RCSD1: variants seen among roughly 807,000 people sequenced by gnomAD.
RCSD1 encodes the protein RCSD domain containing 1, also known as capZ-interacting protein.
In RCSD1, 26 loss-of-function variants were observed where a neutral mutation model predicts 42.5. The observed-to-expected ratio is 0.61, with a 90% CI of 0.45 to 0.85. The LOEUF (loss-of-function observed/expected upper bound fraction) is 0.85, where lower values mean the gene tolerates loss of function less well. Ranked by LOEUF, RCSD1 falls within the 40% of genes least tolerant of loss-of-function variation. The pLI, the probability that RCSD1 is intolerant of heterozygous loss-of-function variation, is 0.00. For missense variants in RCSD1, 571 were observed against 528.3 expected (o/e 1.08, Z -0.79); for synonymous variants, 220 against 212.2 (o/e 1.04, Z -0.32).
chr1:167,670,959 A>G (rs2102221690), intron 1 of RCSD1, among the ~76,000 whole-genome samples: 1 of 152,130 alleles, frequency 6.6e-6, no homozygotes, highest in South Asian at 2.1e-4. Context: ...CAGAATATTG[A>G]CTCCAACCCT....
At chr1:167,679,919 G>A (rs1045707656) in intron 1 of RCSD1, among the ~76,000 whole-genome samples, 7 of 152,156 alleles carry the variant, frequency 4.6e-5, no homozygotes, top group African/African-American at 9.7e-5. Context: ...TGGCAACAGC[G>A]GAGGGGAAGT....
In RCSD1 at chr1:167,706,491, G is replaced by T. The variant is rs1659760772; in HGVS notation, c.*1795G>T. Among the ~76,000 whole-genome samples, 1 of 152,018 alleles carries T rather than the reference G, an allele frequency of 6.6e-6. No individual in the cohort carries two copies. On this transcript the variant is annotated 3_prime_UTR_variant, in exon 7 of 7. Coordinates refer to ENST00000367854, the MANE Select transcript of RCSD1 (RefSeq NM_052862.4). ...GAAAAGGGCCACTTTACTTGAGGAA[G>T]GCATGGAACAGAAAGTATGGGGTTT...
intron 1 of RCSD1, among the ~76,000 whole-genome samples, chr1:167,680,250 G>C (rs181650447): frequency 6.6e-6 from 1 of 152,090 alleles, no homozygotes; most frequent in East Asian, 1.9e-4. Context: ...GAAAGGACAA[G>C]CTGAAGTCAA....
chr1:167,637,057 C>T (rs1657878034), intron 1 of RCSD1, among the ~76,000 whole-genome samples: 2 of 152,172 alleles, frequency 1.3e-5, no homozygotes, highest in South Asian at 2.1e-4. Flanking sequence ...TGAGAGCTTA[C>T]ACCCACAGAG....
At chr1:167,686,814 G>A (rs910836081) in intron 3 of RCSD1, among the ~76,000 whole-genome samples, 2 of 152,218 alleles carry the variant, frequency 1.3e-5, no homozygotes, top group Non-Finnish European at 2.9e-5. Context: ...GCTATGCAAT[G>A]GGTTGAGGTT....
Position 167,704,671 on chromosome 1 carries a change from C to T in RCSD1, c.1226C>T (p.Thr409Ile). The T allele has an allele frequency of 6.2e-7, 1 of 1,612,744 alleles. No individual in the cohort carries two copies. The highest frequency in any genetic ancestry group is 8.5e-7 in the Non-Finnish European group (1 of 1,178,936). The change falls in exon 7 of 7, where the codon ACT becomes ATT. Residue 409 changes from threonine (T) to isoleucine (I), a missense_variant. Thr to Ile is a moderately conservative substitution (Grantham distance 89). Coordinates refer to ENST00000367854, the MANE Select transcript of RCSD1 (RefSeq NM_052862.4). ...EPAVPKPEDD[T>I]PVQDTKM ...TTCCTCCCCTGTTCACAGGATGACA[C>T]TCCTGTCCAGGACACTAAAATGTGA...
chr1:167,664,574 T>C (rs1218348979), intron 1 of RCSD1: 1 of 152,254 alleles, frequency 6.6e-6, no homozygotes, highest in Non-Finnish European at 1.5e-5. Context: ...TACAGTCATA[T>C]AGCCACCACC....
At chr1:167,704,318 A>G (rs2862865) in intron 6 of RCSD1, among the ~76,000 whole-genome samples, 35,829 of 151,896 alleles carry the variant, frequency 0.24, 4,539 homozygotes, top group Middle Eastern at 0.3. Context: ...AAGGGTGGGC[A>G]GGGTCACTTA....
intron 1 of RCSD1, among the ~76,000 whole-genome samples, chr1:167,636,335 A>C (rs544847306): frequency 3.3e-5 from 5 of 152,268 alleles, no homozygotes; most frequent in African/African-American, 4.8e-5. Context: ...TAGTATTAGA[A>C]GCCTCCAAGC....
rs745502238 is a variant in RCSD1 at position 167,697,116 on chromosome 1, A to G, written c.492A>G (p.Ser164=). The G allele has an allele frequency of 3.9e-5, 63 of 1,612,880 alleles. No individual in the cohort carries two copies. Among genetic ancestry groups the G allele is most frequent in the Non-Finnish European group, 5.1e-6 (6 of 1,179,498 alleles). The change falls in exon 6 of 7, where the codon TCA becomes TCG. Residue 164 remains serine, a synonymous_variant. Transcript: ENST00000367854. ...PCYNKVRTRG[S]IKRRPPSRRF... ...TCTTCTAGGTGCGGACGAGGGGCTC[A>G]ATAAAAAGGCGCCCTCCCTCCAGGC...
At chr1:167,682,802 A>C (rs778660213) in intron 1 of RCSD1, among the ~76,000 whole-genome samples, 1 of 151,890 alleles carries the variant, frequency 6.6e-6, no homozygotes, top group African/African-American at 2.4e-5. Flanking sequence ...TTCTCAGACA[A>C]ACTGCTGCCC....
intron 3 of RCSD1, among the ~76,000 whole-genome samples, chr1:167,687,042 C>G (rs913986648): frequency 6.6e-6 from 1 of 152,220 alleles, no homozygotes; most frequent in African/African-American, 2.4e-5. Context: ...TCCATCCTGG[C>G]AGCTCTGTGG....
chr1:167,657,493 G>T (rs1161378868), intron 1 of RCSD1, among the ~76,000 whole-genome samples: 1 of 152,190 alleles, frequency 6.6e-6, no homozygotes, highest in South Asian at 2.1e-4. Context: ...TGCAAATGGG[G>T]CAAATTGACC....
chr1:167,698,989 C>CG (rs887517778), intron 6 of RCSD1, among the ~76,000 whole-genome samples: 2 of 151,928 alleles, frequency 1.3e-5, no homozygotes, highest in African/African-American at 2.4e-5. Context: ...TTAGTGGAGA[C>CG]GGGTTTCACC....
chr1:167,658,602 T>C (rs115930062), intron 1 of RCSD1, among the ~76,000 whole-genome samples: 18,827 of 151,972 alleles, frequency 0.12, 1,595 homozygotes, highest in Non-Finnish European at 0.17. Flanking sequence ...ATTTTTTTTT[T>C]CTTTTTTTTG....
chr1:167,694,406 C>A, intron 5 of RCSD1, 104 bp downstream of exon 5: 1 of 1,110,352 alleles, frequency 9.0e-7, no homozygotes, highest in Non-Finnish European at 1.3e-6. Flanking sequence ...AGGAAACATT[C>A]GGAGTTACTG....
chr1:167,698,864 A>G (rs555171743), intron 6 of RCSD1, among the ~76,000 whole-genome samples: 1 of 150,378 alleles, frequency 6.6e-6, no homozygotes, highest in East Asian at 1.9e-4. Flanking sequence ...CAGTGGCGGG[A>G]TCTCGGCTCA....
At position 167,696,747 on chromosome 1, in the gene RCSD1, C is replaced by T. The variant is rs113998517; in HGVS notation, c.475-352C>T. ...GATTACATGTGTGAGCCACCATGCC[C>T]GGCAAGAATTTTTTTTTAAGTGTCA... is the stretch of plus-strand genomic sequence containing the variant. On this transcript the variant is annotated intron_variant, in intron 5 of 6. Coordinates refer to ENST00000367854, the MANE Select transcript of RCSD1 (RefSeq NM_052862.4). Among the ~76,000 whole-genome samples the T allele has an allele frequency of 4.0e-3, 611 of 152,246 alleles. 4 individuals carry two copies. Among genetic ancestry groups the T allele is most frequent in the African/African-American group, 0.014 (574 of 41,552 alleles).
rs2101729680 is a variant in RCSD1, at chr1:167,706,277, T to A, written c.*1581T>A. 6.6e-6 allele frequency: 1 copy of A among 152,376 alleles called. No individual in the cohort carries two copies. The highest frequency in any genetic ancestry group is 1.9e-4 in the East Asian group (1 of 5,190). The allele number at this position is 152,376 out of a possible 1,614,324, so 9.4% of individuals were successfully genotyped here. ...TGTGTGTGTCAATTATTTTGAGATC[T>A]ATAAACTTGTCTGTCTATCTATCTA... On this transcript the variant is annotated 3_prime_UTR_variant, in exon 7 of 7. Transcript: ENST00000367854.
Sources: gnomAD v4.1 joint callset for allele counts (sites outside exome capture counted in the v4.1 genomes callset) on GRCh38, gnomAD v4.1.1 for gene constraint, MANE v1.5 for transcripts, NCBI Gene and HGNC (gene_info 2026-07-23, HGNC 2026-07-21) for gene names.